The following INF2 variants were observed in gnomAD, a reference collection of about 807,000 sequenced individuals.
INF2 encodes the protein inverted formin 2, also known as inverted formin-2.
Under a neutral mutation model 123.5 loss-of-function variants are expected in INF2, and 43 were observed. The ratio of observed to expected loss-of-function variants is 0.35; its 90% CI spans 0.27 to 0.45. INF2 has a LOEUF of 0.45. Ranked by LOEUF, INF2 falls within the 20% of genes least tolerant of loss-of-function variation. The pLI is 1.00. For synonymous variants in INF2, 851 were observed against 745.0 expected (o/e 1.14, Z -2.32); for missense variants, 1,453 against 1,682.7 (o/e 0.86, Z 2.39).
chr14:104,712,020 T>G (rs111448949), intron 16 of INF2, among the ~76,000 whole-genome samples: 2,362 of 152,142 alleles, frequency 0.016, 50 homozygotes, highest in African/African-American at 0.054. Flanking sequence ...CGGGCCTCCC[T>G]CATTGTATAG....
At chr14:104,685,438 A>G (rs2140574650), upstream of INF2, among the ~76,000 whole-genome samples, 1 of 152,264 alleles carries the variant, frequency 6.6e-6, no homozygotes, top group South Asian at 2.1e-4. Context: ...CCAGCTACAG[A>G]GCAAAAAGCC....
At chr14:104,695,584 T>TCCCAGTGACCCCTCCTCCCAGTGACCCCC (rs1889153223) in intron 1 of INF2, among the ~76,000 whole-genome samples, 3 of 146,380 alleles carry the variant, frequency 2.0e-5, no homozygotes, top group Admixed American at 6.9e-5. Flanking sequence ...TTGCCGACTC[T>TCCCAGTGACCCCTCCTCCCAGTGACCCCC]CCTCCCAGTG....
At position 104,707,488 on chromosome 14, in the gene INF2, A is replaced by G; in HGVS notation, c.1221A>G (p.Lys407=). ...ACGCCCAGAGTGAGAGCATCCTGAA[A>G]GTTTCGCAGCCCAGAGCCCTGGAGC... The part of the protein sequence containing the change: ...VDHAQSESIL[K]VSQPRALEQQ... The change falls in exon 8 of 23, where the codon AAA becomes AAG. Residue 407 remains lysine, a synonymous_variant. Coordinates refer to ENST00000392634, the MANE Select transcript of INF2 (RefSeq NM_022489.4). 1 of 1,549,424 alleles carries G rather than the reference A, an allele frequency of 6.5e-7. No individual in the cohort carries two copies. The highest frequency in any genetic ancestry group is 8.7e-7 in the Non-Finnish European group (1 of 1,147,080).
chr14:104,704,231 G>T (rs748480882), intron 5 of INF2: 2 of 1,347,614 alleles, frequency 1.5e-6, no homozygotes, highest in Non-Finnish European at 1.9e-6. Context: ...GCTGGAGGCC[G>T]TGATCCTAAG....
chr14:104,701,391 G>C lies in INF2; in HGVS notation c.26G>C (p.Arg9Pro), dbSNP rs529349803. The change falls in exon 2 of 23, where the codon CGC becomes CCC. Residue 9 changes from arginine to proline, a missense_variant. By Grantham distance (103) the Arg-to-Pro change is moderately radical. Around this residue, in one of 8 missense-constraint regions of INF2, gnomAD observed 43 missense variants for 44.7 expected, o/e 0.96. Coordinates refer to ENST00000392634, the MANE Select transcript of INF2 (RefSeq NM_022489.4). ...ATGTCGGTGAAGGAGGGCGCACAGCGCAAGTGGGCAGCGCTGAAGGAGAAG... is the reference window on the plus strand; with the variant it reads ...ATGTCGGTGAAGGAGGGCGCACAGCCCAAGTGGGCAGCGCTGAAGGAGAAG... Reference protein sequence around the residue: MSVKEGAQRKWAALKEKLG... With the variant: MSVKEGAQPKWAALKEKLG... 2 of 1,590,604 alleles carry C rather than the reference G, an allele frequency of 1.3e-6. No individual in the cohort carries two copies. Among genetic ancestry groups the C allele is most frequent in the Non-Finnish European group, 1.7e-6 (2 of 1,168,142 alleles).
At chr14:104,691,046 C>A (rs750701772) in intron 1 of INF2, among the ~76,000 whole-genome samples, 1 of 152,232 alleles carries the variant, frequency 6.6e-6, no homozygotes, top group Non-Finnish European at 1.5e-5. Flanking sequence ...GCCCTGCAGC[C>A]CGGCAAAGGG....
At chr14:104,681,976 G>A (rs1477566282) in intron 1 of INF2, among the ~76,000 whole-genome samples, 2 of 152,218 alleles carry the variant, frequency 1.3e-5, no homozygotes, top group East Asian at 1.9e-4. Context: ...GAAGTGGGAG[G>A]GGCTGGGAGT....
intron 1 of INF2, among the ~76,000 whole-genome samples, chr14:104,683,815 C>T (rs548947145): frequency 2.6e-5 from 4 of 152,320 alleles, no homozygotes; most frequent in South Asian, 4.1e-4. Context: ...GCCCTGAGCC[C>T]TCTCCCCCTC....
intron 1 of INF2, among the ~76,000 whole-genome samples, chr14:104,695,847 A>G (rs901617368): frequency 6.6e-5 from 10 of 151,790 alleles, no homozygotes; most frequent in African/African-American, 2.4e-4. Context: ...CTCCACCGAC[A>G]CTTGCCAGAG....
chr14:104,708,813 C>T, intron 10 of INF2, 81 bp downstream of exon 10: 2 of 1,382,368 alleles, frequency 1.4e-6, no homozygotes, highest in Non-Finnish European at 1.0e-6. Context: ...CCAGCAGTGC[C>T]CTCTGCAGGC....
upstream of INF2, among the ~76,000 whole-genome samples, chr14:104,686,121 A>G (rs546707282): frequency 7.4e-4 from 106 of 142,436 alleles, no homozygotes; most frequent in Non-Finnish European, 1.2e-3. Flanking sequence ...GGATGAGTGG[A>G]TGATGGGTAG....
chr14:104,702,059 C>T lies in INF2; in HGVS notation c.391+303C>T, dbSNP rs567450419. On this transcript the variant is annotated intron_variant, in intron 2 of 22. Transcript: ENST00000392634. Reference sequence around the variant, plus strand: ...TCCCCGTCCTGTGCTGGCTCCCACCCTCTGGGCTCTCTGCCCTCGTCCACA... The same window carrying T: ...TCCCCGTCCTGTGCTGGCTCCCACCTTCTGGGCTCTCTGCCCTCGTCCACA... Among the ~76,000 whole-genome samples, 3 of 152,282 alleles carry T rather than the reference C, an allele frequency of 2.0e-5. No individual in the cohort carries two copies. In the East Asian group the frequency reaches 5.8e-4, roughly 29 times the overall value.
rs1251533589 is a variant in INF2 at position 104,684,029 on chromosome 14, G to T, written c.-104+2447G>T. ...CAGCTCCTCAAATTCCCAACACCAGGGTTGCAAGGCCCAGTGTCTTCTCAC... is the reference window on the plus strand; with the variant it reads ...CAGCTCCTCAAATTCCCAACACCAGTGTTGCAAGGCCCAGTGTCTTCTCAC... On this transcript the variant is annotated intron_variant, in intron 1 of 2. Transcript: ENST00000674723. The surrounding 1 kb of genome is among the most constrained non-coding windows in gnomAD (Gnocchi z 5.0). 2 of 455,966 alleles carry T rather than the reference G, an allele frequency of 4.4e-6. No homozygotes were observed. Among genetic ancestry groups the T allele is most frequent in the East Asian group, 6.9e-5 (1 of 14,398 alleles). The allele number at this position is 455,966 out of a possible 1,614,324, so 28.2% of individuals were successfully genotyped here. A position where few individuals can be genotyped will look rare whatever the true frequency, so the allele number is the denominator to read the frequency against.
At chr14:104,682,447 A>G (rs1392714748) in intron 1 of INF2, among the ~76,000 whole-genome samples, 1 of 152,202 alleles carries the variant, frequency 6.6e-6, no homozygotes, top group Non-Finnish European at 1.5e-5. Context: ...CCAGATGAGC[A>G]GGCAGCTGCC....
At chr14:104,691,202 A>T (rs565325344) in intron 1 of INF2, 2 of 152,222 alleles carry the variant, frequency 1.3e-5, no homozygotes, top group Non-Finnish European at 2.9e-5. Context: ...ACATGTGGGG[A>T]CGTGGAAGCT....
intron 13 of INF2, 75 bp downstream of exon 13, chr14:104,710,263 C>G (rs1271355007): frequency 1.9e-6 from 2 of 1,058,602 alleles, no homozygotes; most frequent in African/African-American, 3.1e-5. Flanking sequence ...TGCTCGGGGC[C>G]CCTGCTACTG....
intron 1 of INF2, chr14:104,690,790 C>G (rs1009572651): frequency 1.3e-5 from 2 of 152,286 alleles, no homozygotes; most frequent in Non-Finnish European, 2.9e-5. Flanking sequence ...TGCCGCCCTG[C>G]ACTGGGAAGG....
exon 1 of INF2, chr14:104,681,222 G>T (rs554488308): frequency 8.9e-6 from 3 of 336,288 alleles, no homozygotes; most frequent in South Asian, 7.1e-5. Flanking sequence ...ACCCCAAAAA[G>T]CAGGGGTAGG....
At position 104,714,940 on chromosome 14, in the gene INF2, G is replaced by A; in HGVS notation, c.3694+84G>A. On this transcript the variant is annotated intron_variant, in intron 21 of 22. Transcript: ENST00000392634. The stretch of plus-strand genomic sequence containing the variant: ...TCCCTCCCCTTCCCCATTGGGCACT[G>A]CAAGTTCCAGCGGCACCCAGGAGAG... 2.9e-6 allele frequency: 4 copies of A among 1,360,102 alleles called. No individual in the cohort carries two copies. The South Asian group carries it at 6.0e-5, about 20-fold the overall frequency. The allele number at this position is 1,360,102 out of a possible 1,614,324, so 84.3% of individuals were successfully genotyped here.
Sources: allele counts gnomAD v4.1 joint callset (sites outside exome capture counted in the v4.1 genomes callset), GRCh38; gene constraint gnomAD v4.1.1; regional missense constraint gnomAD v4.1.1; non-coding constraint Gnocchi (gnomAD v3.1); transcripts MANE v1.5; gene names NCBI Gene and HGNC (gene_info 2026-07-23, HGNC 2026-07-21).